Variants in LIMCH1 observed in about 807,000 individuals in gnomAD.
The protein encoded by LIMCH1 is LIM and calponin homology domains 1, also known as LIM and calponin homology domains-containing protein 1.
LIMCH1 carries 113 observed loss-of-function variants against 176.5 expected under a neutral mutation model. That is an observed-to-expected ratio of 0.64 (90% CI 0.55 to 0.75). The LOEUF (loss-of-function observed/expected upper bound fraction) is 0.75. Among genes scored for constraint, LIMCH1 ranks in the 30% least tolerant of loss-of-function variants. The probability of loss-of-function intolerance (pLI) is 0.00; values close to 1 mark genes in which losing one functional copy is unlikely to be tolerated. For missense variants in LIMCH1, 1,674 were observed against 1,814.9 expected (o/e 0.92, Z 1.41); for synonymous variants, 619 against 645.9 (o/e 0.96, Z 0.63).
rs1716757663 is a variant in LIMCH1 at position 41,682,459 on chromosome 4, A to T, written c.3844A>T (p.Ser1282Cys). The T allele has an allele frequency of 1.9e-6, 3 of 1,612,264 alleles. No individual in the cohort carries two copies. Among genetic ancestry groups the T allele is most frequent in the Non-Finnish European group, 2.5e-6 (3 of 1,178,908 alleles). Residue 1282 changes from serine to cysteine, a missense_variant and splice_region_variant, in exon 26 of 32, where the codon AGC becomes TGC. Ser to Cys is a moderately radical substitution (Grantham distance 112, BLOSUM62 -1). Coordinates refer to ENST00000503057, the MANE Select transcript of LIMCH1 (RefSeq NM_001330672.2). ...RESDRLEEKG[S>C]LTEGALAHSG... is the part of the protein sequence containing the mutation. ...AAGTGATCGACTGGAGGAGAAGGGC[A>T]GGTATGAGCCCATCCCAAGCCACCA...
intron 1 of LIMCH1, among the ~76,000 whole-genome samples, chr4:41,392,190 A>C (rs1463813022): frequency 6.6e-6 from 1 of 152,204 alleles, no homozygotes; most frequent in African/African-American, 2.4e-5. Context: ...ACAGTTAAAA[A>C]AATCTCTGCC....
At chr4:41,677,013 A>G (rs750252824) in intron 23 of LIMCH1, among the ~76,000 whole-genome samples, 1 of 152,034 alleles carries the variant, frequency 6.6e-6, no homozygotes, top group African/African-American at 2.4e-5. Context: ...AAATACAAAA[A>G]TTAGCTGGGC....
At chr4:41,632,181 T>C (rs755448837) in intron 10 of LIMCH1, among the ~76,000 whole-genome samples, 1 of 152,190 alleles carries the variant, frequency 6.6e-6, no homozygotes, top group Non-Finnish European at 1.5e-5. Flanking sequence ...AGGAAACACA[T>C]ATAGGACATG....
chr4:41,666,594 A>G lies in LIMCH1; in HGVS notation c.3325A>G (p.Thr1109Ala). The change falls in exon 21 of 32, where the codon ACG becomes GCG. Residue 1109 changes from threonine (T) to alanine (A), a missense_variant. Physicochemically the swap from Thr to Ala is moderately conservative, Grantham distance 58. Around this residue, in one of 3 missense-constraint regions of LIMCH1, gnomAD observed 1,015 missense variants for 1,102.5 expected, o/e 0.92. Coordinates refer to ENST00000503057, the MANE Select transcript of LIMCH1 (RefSeq NM_001330672.2). ...GCCAAAATCTCCAGAACCCGAAGCA[A>G]CGCTGACATTTCCATTTCTGGACAA... ...VKPKSPEPEA[T>A]LTFPFLDKMP... 6.2e-7 allele frequency: 1 copy of G among 1,613,988 alleles called. No individual in the cohort carries two copies. Among genetic ancestry groups the G allele is most frequent in the Non-Finnish European group, 8.5e-7 (1 of 1,179,886 alleles).
At chr4:41,527,013 C>G (rs1450564077) in intron 3 of LIMCH1, among the ~76,000 whole-genome samples, 1 of 152,182 alleles carries the variant, frequency 6.6e-6, no homozygotes, top group Non-Finnish European at 1.5e-5. Flanking sequence ...ATACTTTCCT[C>G]CTGCTCTTCT....
intron 1 of LIMCH1, among the ~76,000 whole-genome samples, chr4:41,548,271 C>T (rs889065163): frequency 6.6e-6 from 1 of 152,072 alleles, no homozygotes; most frequent in Non-Finnish European, 1.5e-5. Context: ...TTGCTTTCTT[C>T]ATTTCTGTTT....
intron 1 of LIMCH1, among the ~76,000 whole-genome samples, chr4:41,443,275 A>G (rs1168358261): frequency 1.8e-5 from 1 of 56,564 alleles, no homozygotes; most frequent in Non-Finnish European, 3.0e-5. Context: ...CAGTGGCGCA[A>G]TCTGGATGTT....
At position 41,488,000 on chromosome 4, in the gene LIMCH1, C is replaced by T. The variant is rs148805264; in HGVS notation, c.97-6536C>T. ...AGTTTAGATTGCTTTTCTCAGCAATCGGTGAGCTTCCTGCACACAGTGGCC... is the reference window on the plus strand; with the variant it reads ...AGTTTAGATTGCTTTTCTCAGCAATTGGTGAGCTTCCTGCACACAGTGGCC... On this transcript the variant is annotated intron_variant, in intron 1 of 26. Coordinates refer to the LIMCH1 transcript ENST00000313860. Among the ~76,000 whole-genome samples, 483 of 151,724 alleles carry T rather than the reference C, an allele frequency of 3.2e-3. 3 individuals carry two copies. The highest frequency in any genetic ancestry group is 0.011 in the African/African-American group (466 of 41,352).
chr4:41,471,746 G>A (rs2066988318), intron 1 of LIMCH1, among the ~76,000 whole-genome samples: 1 of 152,156 alleles, frequency 6.6e-6, no homozygotes, highest in Non-Finnish European at 1.5e-5. Flanking sequence ...AAGTGTGTGT[G>A]TTTTGTATCT....
At chr4:41,582,230 C>T (rs541994454) in intron 1 of LIMCH1, among the ~76,000 whole-genome samples, 1 of 152,306 alleles carries the variant, frequency 6.6e-6, no homozygotes, top group South Asian at 2.1e-4. Context: ...CAGGCTTTAA[C>T]CGTAACCCAG....
chr4:41,661,631 G>A, intron 19 of LIMCH1, 121 bp downstream of exon 19: 1 of 744,992 alleles, frequency 1.3e-6, no homozygotes, highest in South Asian at 1.6e-5. Context: ...TCCAGGAGTG[G>A]TGCGGTTGTG....
At chr4:41,632,472 A>G (rs1038006798) in intron 10 of LIMCH1, among the ~76,000 whole-genome samples, 9 of 152,138 alleles carry the variant, frequency 5.9e-5, no homozygotes, top group Admixed American at 5.9e-4. Context: ...GTAGGAAATT[A>G]ATAAGAAATA....
intron 2 of LIMCH1, among the ~76,000 whole-genome samples, chr4:41,521,212 T>C (rs1481100153): frequency 6.6e-6 from 1 of 152,198 alleles, no homozygotes; most frequent in Non-Finnish European, 1.5e-5. Context: ...AGCACCAAAC[T>C]GTGAAATAAA....
At chr4:41,396,381 A>T (rs1040340153) in intron 1 of LIMCH1, among the ~76,000 whole-genome samples, 2 of 152,298 alleles carry the variant, frequency 1.3e-5, no homozygotes, top group African/African-American at 4.8e-5. Flanking sequence ...TATATGTGTC[A>T]TTTGCTGGGG....
chr4:41,617,349 T>C (rs2092193848), intron 5 of LIMCH1, among the ~76,000 whole-genome samples: 1 of 152,174 alleles, frequency 6.6e-6, no homozygotes, highest in African/African-American at 2.4e-5. Context: ...TTCAGAACTG[T>C]CACTAACCAG....
intron 1 of LIMCH1, among the ~76,000 whole-genome samples, chr4:41,568,842 A>G (rs921274062): frequency 6.6e-6 from 1 of 152,154 alleles, no homozygotes; most frequent in Non-Finnish European, 1.5e-5. Flanking sequence ...TTACCTCTCT[A>G]TTCAGGTTAT....
intron 1 of LIMCH1, among the ~76,000 whole-genome samples, chr4:41,558,140 C>G (rs2081542602): frequency 6.6e-6 from 1 of 152,032 alleles, no homozygotes; most frequent in South Asian, 2.1e-4. Context: ...GTAGCAGCCA[C>G]CCATAAACGG....
intron 17 of LIMCH1, 32 bp downstream of exon 17, chr4:41,646,925 G>A (rs2094086631): frequency 6.4e-7 from 1 of 1,572,582 alleles, no homozygotes; most frequent in African/African-American, 1.4e-5. Flanking sequence ...TAGAACCAAA[G>A]CTGAACTCCA....
rs961976174 is a variant in LIMCH1 at position 41,360,935 on chromosome 4, A to T, written c.95A>T (p.Glu32Val). The change falls in exon 1 of 27, where the codon GAG becomes GTG. Residue 32 changes from glutamate to valine, a missense_variant and splice_region_variant. Glu to Val is a moderately radical substitution (Grantham distance 121). Coordinates refer to the LIMCH1 transcript ENST00000313860. The surrounding 1 kb of genome is among the most constrained non-coding windows in gnomAD (Gnocchi z 4.5). ...TTCTCCGAGGCGCAGAAGTGGATTG[A>T]GGTAGGTGCGGGTGGCTGGCGGGCG... is the stretch of plus-strand genomic sequence containing the variant. 1 of 1,575,228 alleles carries T rather than the reference A, an allele frequency of 6.3e-7. No homozygotes were observed. The highest frequency in any genetic ancestry group is 1.2e-5 in the South Asian group (1 of 85,658).
Sources: allele counts gnomAD v4.1 joint callset (sites outside exome capture counted in the v4.1 genomes callset), GRCh38; gene constraint gnomAD v4.1.1; regional missense constraint gnomAD v4.1.1; non-coding constraint Gnocchi (gnomAD v3.1); transcripts MANE v1.5; gene names NCBI Gene and HGNC (gene_info 2026-07-23, HGNC 2026-07-21).